ARHGAP20: variants seen among roughly 807,000 people sequenced by gnomAD.
ARHGAP20 encodes the protein rho GTPase-activating protein 20.
Under a neutral mutation model 73.7 loss-of-function variants are expected in ARHGAP20, and 34 were observed. The ratio of observed to expected loss-of-function variants is 0.46; its 90% CI spans 0.35 to 0.61. The LOEUF (loss-of-function observed/expected upper bound fraction) is 0.61, where lower values mean the gene tolerates loss of function less well. Ranked by LOEUF, ARHGAP20 falls within the 20% of genes least tolerant of loss-of-function variation. The pLI is 0.00. For missense variants in ARHGAP20, 1,314 were observed against 1,420.9 expected, an observed-to-expected ratio of 0.92 and a Z score of 1.21; for synonymous variants, 523 against 518.2, an observed-to-expected ratio of 1.01 and a Z score of -0.13.
At chr11:110,600,709 A>G (rs1390632851) in intron 9 of ARHGAP20, among the ~76,000 whole-genome samples, 1 of 133,966 alleles carries the variant, frequency 7.5e-6, no homozygotes, top group Admixed American at 7.2e-5. Context: ...TATAACAGTA[A>G]CAGTAACCTG....
At position 110,592,004 on chromosome 11, in the gene ARHGAP20, C is replaced by G; in HGVS notation, c.1116G>C (p.Glu372Asp). The G allele has an allele frequency of 6.2e-7, 1 of 1,614,094 alleles. No individual in the cohort carries two copies. The highest frequency in any genetic ancestry group is 8.5e-7 in the Non-Finnish European group (1 of 1,179,982). Residue 372 changes from glutamate (E) to aspartate (D), a missense_variant, in exon 10 of 15, where the codon GAG (glutamate) becomes GAC (aspartate). This residue lies in a region of ARHGAP20 where 443 missense variants were observed against 466.4 expected (regional missense o/e 0.95). Transcript: ENST00000683387. ...AGACAGGTTTGGGCAGATTGTCATT[C>G]TCACAAATATTTGGCAGAGAAATTC... ...LFGISLPNIC[E>D]NDNLPKPVLD...
intron 9 of ARHGAP20, among the ~76,000 whole-genome samples, chr11:110,597,067 A>G (rs1947983613): frequency 6.7e-6 from 1 of 148,260 alleles, no homozygotes; most frequent in African/African-American, 2.5e-5. Flanking sequence ...GCATGTTCTC[A>G]CTCATAGGTG....
At chr11:110,708,566 C>T (rs1222191878) in intron 1 of ARHGAP20, among the ~76,000 whole-genome samples, 2 of 152,128 alleles carry the variant, frequency 1.3e-5, no homozygotes, top group African/African-American at 2.4e-5. Flanking sequence ...AATGAACTAT[C>T]GATACACGCA....
intron 6 of ARHGAP20, among the ~76,000 whole-genome samples, chr11:110,613,198 A>C (rs1021684160): frequency 6.6e-6 from 1 of 152,226 alleles, no homozygotes; most frequent in Admixed American, 6.5e-5. Context: ...ATTTCAGCAG[A>C]TAGAACTCTT....
At chr11:110,684,099 G>A (rs1419293238) in intron 2 of ARHGAP20, among the ~76,000 whole-genome samples, 1 of 152,056 alleles carries the variant, frequency 6.6e-6, no homozygotes, top group African/African-American at 2.4e-5. Context: ...AACAATAAAT[G>A]TCTAATACTT....
chr11:110,636,379 T>G (rs1948968510), intron 2 of ARHGAP20, among the ~76,000 whole-genome samples: 1 of 152,046 alleles, frequency 6.6e-6, no homozygotes, highest in South Asian at 2.1e-4. Context: ...AACTGGAAAA[T>G]TATTATTATT....
Position 110,710,435 on chromosome 11 carries a change from T to TAA in ARHGAP20, c.105+1690_105+1691dup, listed in dbSNP as rs11423761. ...CCCTTTGGCAGTGTTATACCCTTAG[T>TAA]AAAAAAAAAAGAAAAAAAGAAAAAA... On this transcript the variant is annotated intron_variant, in intron 1 of 14. Coordinates refer to ENST00000683387, the MANE Select transcript of ARHGAP20 (RefSeq NM_001384657.1). 8.1e-3 allele frequency among the ~76,000 whole-genome samples: 1,192 copies of TAA among 147,632 alleles called. 3 individuals carry two copies. The highest frequency in any genetic ancestry group is 0.014 in the Admixed American group (206 of 14,786).
At chr11:110,629,158 CTATT>C (rs10531863) in intron 3 of ARHGAP20, among the ~76,000 whole-genome samples, 24,097 of 151,976 alleles carry the variant, frequency 0.16, 2,319 homozygotes, top group East Asian at 0.31. Flanking sequence ...TTTTTGTTGT[CTATT>C]TATCTACCTC....
rs771136164 is a variant in ARHGAP20, at chr11:110,690,648, A to C, written c.106-19T>G. 9 of 1,609,372 alleles carry C rather than the reference A, an allele frequency of 5.6e-6. No individual in the cohort carries two copies. Among genetic ancestry groups the C allele is most frequent in the African/African-American group, 1.3e-5 (1 of 74,832 alleles). On this transcript the variant is annotated intron_variant, in intron 1 of 14. Transcript: ENST00000683387. ...TCATTTTCTGTTGATGAAACAAACCAAAATGAAGACCACATGGCTTGTAAG... is the reference window on the plus strand; with the variant it reads ...TCATTTTCTGTTGATGAAACAAACCCAAATGAAGACCACATGGCTTGTAAG...
intron 2 of ARHGAP20, among the ~76,000 whole-genome samples, chr11:110,642,468 C>G (rs891098533): frequency 6.6e-6 from 1 of 151,926 alleles, no homozygotes; most frequent in Non-Finnish European, 1.5e-5. Flanking sequence ...TCCTTTGATA[C>G]CGAGCTTGTT....
At chr11:110,646,373 A>G (rs1949193968) in intron 2 of ARHGAP20, among the ~76,000 whole-genome samples, 1 of 152,188 alleles carries the variant, frequency 6.6e-6, no homozygotes, top group Non-Finnish European at 1.5e-5. Context: ...CCAAATATTA[A>G]TACCTACATA....
At position 110,615,530 on chromosome 11, in the gene ARHGAP20, A is replaced by AAATATG. The variant is rs762970715; in HGVS notation, c.545+17_545+22dup. The AAATATG allele has an allele frequency of 1.9e-6, 3 of 1,600,154 alleles. No homozygotes were observed. The Admixed American group carries it at 5.1e-5, about 27-fold the overall frequency. ...TCATTTATTAAAGGTTAAAGATTAAAAATATGAATACTGAAAAAATACCTC... is the reference window on the plus strand; with the variant it reads ...TCATTTATTAAAGGTTAAAGATTAAAAATATGAATATGAATACTGAAAAAATACCTC... On this transcript the variant is annotated intron_variant, in intron 5 of 14. Transcript: ENST00000683387.
At chr11:110,690,740 C>G (rs1950227213) in intron 1 of ARHGAP20, 111 bp from the exon 2 acceptor site, 4 of 1,060,716 alleles carry the variant, frequency 3.8e-6, no homozygotes, top group Non-Finnish European at 5.6e-6. Flanking sequence ...CTTTGTCTGT[C>G]AAGGAGCCTA....
chr11:110,625,077 C>T (rs1457259450), intron 3 of ARHGAP20, among the ~76,000 whole-genome samples: 2 of 146,850 alleles, frequency 1.4e-5, no homozygotes, highest in Non-Finnish European at 3.0e-5. Context: ...GTCGCCCAGG[C>T]CGGACTGCGG....
intron 2 of ARHGAP20, among the ~76,000 whole-genome samples, chr11:110,644,479 T>C (rs887439370): frequency 1.3e-5 from 2 of 151,882 alleles, no homozygotes; most frequent in Non-Finnish European, 2.9e-5. Flanking sequence ...TGGAACAGAA[T>C]AGAGAGCTCA....
At chr11:110,622,340 T>A (rs916657592) in intron 4 of ARHGAP20, among the ~76,000 whole-genome samples, 7 of 152,126 alleles carry the variant, frequency 4.6e-5, no homozygotes, top group Admixed American at 6.5e-5. Flanking sequence ...TTCACTTTTT[T>A]AAAAAAATAA....
chr11:110,662,970 T>G (rs1949647926), intron 2 of ARHGAP20, among the ~76,000 whole-genome samples: 1 of 151,580 alleles, frequency 6.6e-6, no homozygotes, highest in Non-Finnish European at 1.5e-5. Context: ...AAAGAAGAAA[T>G]CAAAAAGAAA....
At chr11:110,596,426 G>C (rs7396843) in intron 9 of ARHGAP20, among the ~76,000 whole-genome samples, 8 of 149,094 alleles carry the variant, frequency 5.4e-5, no homozygotes, top group African/African-American at 1.8e-4. Context: ...AGAATCTACA[G>C]TGAACTCAAA....
intron 6 of ARHGAP20, among the ~76,000 whole-genome samples, chr11:110,613,244 G>A (rs1948408739): frequency 6.6e-6 from 1 of 152,172 alleles, no homozygotes. Context: ...AACTGAAAAT[G>A]TGGCAATTTT....
Sources: gnomAD v4.1 joint callset for allele counts (sites outside exome capture counted in the v4.1 genomes callset) on GRCh38, gnomAD v4.1.1 for gene constraint, gnomAD v4.1.1 regional missense constraint, MANE v1.5 for transcripts, NCBI Gene and HGNC (gene_info 2026-07-23, HGNC 2026-07-21) for gene names.